CHST8: variants seen among roughly 807,000 people sequenced by gnomAD.
CHST8 encodes the protein GALNAC-4-ST1.
Under a neutral mutation model 15.0 loss-of-function variants are expected in CHST8, and 10 were observed. The observed-to-expected ratio is 0.67, with a 90% CI of 0.41 to 1.13. The LOEUF is 1.13. Among genes scored for constraint, CHST8 ranks in the 50% most tolerant of loss-of-function variants. The pLI is 0.00. For synonymous variants in CHST8, 259 were observed against 256.6 expected, an observed-to-expected ratio of 1.01 and a Z score of -0.09; for missense variants, 634 against 608.2, an observed-to-expected ratio of 1.04 and a Z score of -0.45.
At chr19:33,666,469 C>T (rs924523620) in intron 1 of CHST8, among the ~76,000 whole-genome samples, 2 of 152,102 alleles carry the variant, frequency 1.3e-5, no homozygotes, top group African/African-American at 2.4e-5. Context: ...TGGGGTTACG[C>T]GGAGACCAGC....
At chr19:33,655,820 G>T (rs1972504124) in intron 1 of CHST8, among the ~76,000 whole-genome samples, 1 of 151,592 alleles carries the variant, frequency 6.6e-6, no homozygotes, top group African/African-American at 2.4e-5. Flanking sequence ...GATTTCATTG[G>T]CCTTTTCTAA....
chr19:33,659,743 G>A (rs1972561783), intron 1 of CHST8, among the ~76,000 whole-genome samples: 1 of 152,112 alleles, frequency 6.6e-6, no homozygotes, highest in Non-Finnish European at 1.5e-5. Flanking sequence ...CCAGGGAGGT[G>A]GAGGCTGCAG....
intron 1 of CHST8, among the ~76,000 whole-genome samples, chr19:33,659,668 GGAAAGGTGGCTTGTGC>G (rs1164730473): frequency 6.6e-6 from 1 of 152,030 alleles, no homozygotes; most frequent in Admixed American, 6.6e-5. Flanking sequence ...AAAATAACCA[GGAAAGGTGGCTTGTGC>G]CTGAAATCCC....
chr19:33,719,952 G>T (rs960449771), intron 3 of CHST8, among the ~76,000 whole-genome samples: 18 of 152,104 alleles, frequency 1.2e-4, no homozygotes, highest in African/African-American at 4.3e-4. Context: ...AAATGGAAAG[G>T]CTTCAGGCCA....
At chr19:33,757,665 G>A (rs1240815159) in intron 3 of CHST8, among the ~76,000 whole-genome samples, 3 of 151,808 alleles carry the variant, frequency 2.0e-5, no homozygotes, top group Non-Finnish European at 4.4e-5. Flanking sequence ...GGGAGGTGAT[G>A]TCCCCACAGC....
At position 33,650,518 on chromosome 19, in the gene CHST8, C is replaced by CTTTTTTTTTTTTTTTTTT. The variant is rs869057036; in HGVS notation, c.-163-17237_-163-17220dup. Among the ~76,000 whole-genome samples the CTTTTTTTTTTTTTTTTTT allele has an allele frequency of 6.1e-4, 22 of 36,110 alleles. 3 individuals are homozygous for CTTTTTTTTTTTTTTTTTT. Among genetic ancestry groups the CTTTTTTTTTTTTTTTTTT allele is most frequent in the South Asian group, 1.1e-3 (1 of 870 alleles). 23.7% of individuals were successfully genotyped at this position (36,110 alleles called of 152,430 possible). A position where few individuals can be genotyped will look rare whatever the true frequency, so the allele number is the denominator to read the frequency against. ...TTCTTTTTCTTTTTCTTTTTCTTTT[C>CTTTTTTTTTTTTTTTTTT]TTTTTTTTTTTTTTTTTTTTTTTTT... On this transcript the variant is annotated intron_variant, in intron 1 of 4. Coordinates refer to ENST00000650847, the MANE Select transcript of CHST8 (RefSeq NM_001127895.2).
chr19:33,691,299 G>A (rs1973095883), intron 3 of CHST8, among the ~76,000 whole-genome samples: 1 of 152,192 alleles, frequency 6.6e-6, no homozygotes, highest in African/African-American at 2.4e-5. Context: ...CTTTGCAGCT[G>A]GCAGACCTGG....
intron 3 of CHST8, 55 bp downstream of exon 3, chr19:33,689,446 C>G (rs1973055131): frequency 2.7e-6 from 4 of 1,494,188 alleles, no homozygotes; most frequent in Non-Finnish European, 3.6e-6. Flanking sequence ...CAGCCTGAAG[C>G]TCAGGCCTCC....
At chr19:33,749,630 G>T (rs1303491123) in intron 3 of CHST8, among the ~76,000 whole-genome samples, 1 of 152,024 alleles carries the variant, frequency 6.6e-6, no homozygotes, top group Non-Finnish European at 1.5e-5. Context: ...TCCCTGGGTG[G>T]TCACTAGGGC....
chr19:33,770,168 T>G (rs1385985605), intron 3 of CHST8, among the ~76,000 whole-genome samples: 1 of 152,290 alleles, frequency 6.6e-6, no homozygotes, highest in South Asian at 2.1e-4. Context: ...AGGGAAGACC[T>G]GGAGATCCCT....
chr19:33,664,604 A>G (rs936387784), intron 1 of CHST8, among the ~76,000 whole-genome samples: 7 of 151,934 alleles, frequency 4.6e-5, no homozygotes, highest in Admixed American at 1.3e-4. Flanking sequence ...GGCTTACCCA[A>G]AAAAGTTCAC....
intron 3 of CHST8, among the ~76,000 whole-genome samples, chr19:33,690,414 C>T (rs950127635): frequency 3.3e-5 from 5 of 152,124 alleles, no homozygotes; most frequent in African/African-American, 1.2e-4. Context: ...GCAACCGCTC[C>T]GCCCCCATTA....
chr19:33,755,433 T>C (rs1181688724), intron 3 of CHST8, among the ~76,000 whole-genome samples: 1 of 152,214 alleles, frequency 6.6e-6, no homozygotes, highest in Non-Finnish European at 1.5e-5. Context: ...AGGAATGACG[T>C]TTAATCCTGG....
chr19:33,707,497 A>T (rs1025434058), intron 3 of CHST8, among the ~76,000 whole-genome samples: 1 of 152,118 alleles, frequency 6.6e-6, no homozygotes, highest in Non-Finnish European at 1.5e-5. Flanking sequence ...TTTCATATCA[A>T]TGTAATCATA....
chr19:33,686,933 G>A (rs1340133121), intron 2 of CHST8, among the ~76,000 whole-genome samples: 4 of 152,346 alleles, frequency 2.6e-5, no homozygotes, highest in South Asian at 4.1e-4. Flanking sequence ...CCCCATGACC[G>A]TGCAATAGCA....
rs181104162 is a variant in CHST8 at position 33,654,573 on chromosome 19, T to C, written c.-163-13194T>C. Among the ~76,000 whole-genome samples, 528 of 152,194 alleles carry C rather than the reference T, an allele frequency of 3.5e-3. 10 individuals carry two copies. The highest frequency in any genetic ancestry group is 0.02 in the South Asian group (94 of 4,812). On this transcript the variant is annotated intron_variant, in intron 1 of 4. Coordinates refer to ENST00000650847, the MANE Select transcript of CHST8 (RefSeq NM_001127895.2). ...CATGGGTTCATCAGTTTGGGACTTA[T>C]TTTTCCTACTATTTCTAGCTCCATA... is the stretch of plus-strand genomic sequence containing the variant.
intron 3 of CHST8, among the ~76,000 whole-genome samples, chr19:33,748,742 G>A (rs1357998379): frequency 6.6e-6 from 1 of 152,196 alleles, no homozygotes; most frequent in Non-Finnish European, 1.5e-5. Flanking sequence ...TGAGGCTGCA[G>A]GCAGGTAAAT....
intron 3 of CHST8, among the ~76,000 whole-genome samples, chr19:33,758,530 A>G (rs1366534327): frequency 1.3e-5 from 2 of 152,338 alleles, no homozygotes; most frequent in Non-Finnish European, 1.5e-5. Flanking sequence ...AGGGTATCAC[A>G]GCAACAGCTG....
In CHST8 at chr19:33,772,838, C is replaced by A; in HGVS notation, c.1050C>A (p.Ser350Arg). ...ACGATTTCGTAGGCAAGTTCGAGAG[C>A]ATGGAGGACGATGCCAACTTCTTCC... is the stretch of plus-strand genomic sequence containing the variant. ...IDYDFVGKFE[S>R]MEDDANFFLS... Residue 350 changes from serine to arginine, a missense_variant, in exon 5 of 5, where the codon AGC becomes AGA. Physicochemically the swap from Ser to Arg is moderately radical, Grantham distance 110 (BLOSUM62 -1). Coordinates refer to ENST00000650847, the MANE Select transcript of CHST8 (RefSeq NM_001127895.2). The A allele has an allele frequency of 6.2e-7, 1 of 1,613,594 alleles. No individual in the cohort carries two copies. Among genetic ancestry groups the A allele is most frequent in the Non-Finnish European group, 8.5e-7 (1 of 1,180,050 alleles).
Sources: allele counts gnomAD v4.1 joint callset (sites outside exome capture counted in the v4.1 genomes callset), GRCh38; gene constraint gnomAD v4.1.1; transcripts MANE v1.5; gene names NCBI Gene and HGNC (gene_info 2026-07-23, HGNC 2026-07-21).